Variants in PDLIM1 observed in about 807,000 individuals in gnomAD.
PDLIM1 encodes the protein PDZ and LIM domain protein 1.
PDLIM1 carries 25 observed loss-of-function variants against 35.2 expected under a neutral mutation model. That is an observed-to-expected ratio of 0.71 (90% confidence interval 0.52 to 0.99). PDLIM1 has a LOEUF of 0.99. Ranked by LOEUF, PDLIM1 falls within the 50% of genes least tolerant of loss-of-function variation. PDLIM1 has a pLI of 0.00. For synonymous variants in PDLIM1, 152 were observed against 154.0 expected (o/e 0.99, Z 0.10); for missense variants, 363 against 415.3 (o/e 0.87, Z 1.09).
chr10:95,251,324 C>T (rs2035265659), intron 4 of PDLIM1, among the ~76,000 whole-genome samples: 1 of 151,746 alleles, frequency 6.6e-6, no homozygotes, highest in Non-Finnish European at 1.5e-5. Flanking sequence ...CGGTGGCTCA[C>T]ACCTTTAGGA....
rs78965583 is a variant in PDLIM1, at chr10:95,270,476, G to A, written c.248+1157C>T. Among the ~76,000 whole-genome samples the A allele has an allele frequency of 6.6e-5, 10 of 152,266 alleles. No homozygotes were observed. In the East Asian group the frequency reaches 1.7e-3, roughly 26 times the overall value. On this transcript the variant is annotated intron_variant, in intron 2 of 6. Coordinates refer to ENST00000329399, the MANE Select transcript of PDLIM1 (RefSeq NM_020992.4). ...CTGAATTTGATGCAGTAGGAAACAG[G>A]GAGCCAACTGAGGGTTGAACCAAAT...
chr10:95,273,626 C>T (rs2035485652), intron 1 of PDLIM1, among the ~76,000 whole-genome samples: 1 of 152,152 alleles, frequency 6.6e-6, no homozygotes, highest in Non-Finnish European at 1.5e-5. Context: ...TTCTGGCTCT[C>T]CCATCATTTG....
At chr10:95,276,618 T>C (rs2035513556) in intron 1 of PDLIM1, among the ~76,000 whole-genome samples, 1 of 152,202 alleles carries the variant, frequency 6.6e-6, no homozygotes, top group Non-Finnish European at 1.5e-5. Flanking sequence ...AATGAGCGTT[T>C]AGGTACCAAG....
chr10:95,277,505 T>C (rs1021665308), intron 1 of PDLIM1, among the ~76,000 whole-genome samples: 1 of 152,016 alleles, frequency 6.6e-6, no homozygotes, highest in Non-Finnish European at 1.5e-5. Context: ...CCAGCTGTGG[T>C]GATGCACACT....
chr10:95,284,439 C>T (rs1314467248), intron 1 of PDLIM1, among the ~76,000 whole-genome samples: 2 of 152,048 alleles, frequency 1.3e-5, no homozygotes, highest in African/African-American at 4.8e-5. Flanking sequence ...CTGCAACCTC[C>T]GCCTCCCAAG....
chr10:95,273,354 G>C (rs1248112429), intron 1 of PDLIM1: 2 of 152,128 alleles, frequency 1.3e-5, no homozygotes, highest in Admixed American at 1.3e-4. Context: ...CACCAAACCA[G>C]GACACACAAG....
intron 4 of PDLIM1, 136 bp from the exon 5 acceptor site, chr10:95,247,502 C>T: frequency 1.5e-6 from 1 of 666,610 alleles, no homozygotes; most frequent in East Asian, 2.7e-5. Flanking sequence ...CTAAATCAGC[C>T]ACAGACCTGC....
chr10:95,246,905 G>GGTC (rs1345372261), intron 5 of PDLIM1, among the ~76,000 whole-genome samples: 1 of 152,162 alleles, frequency 6.6e-6, no homozygotes, highest in Non-Finnish European at 1.5e-5. Flanking sequence ...AAATGGCCAA[G>GGTC]GGACAGACCA....
At chr10:95,262,268 T>C (rs1476685410) in intron 4 of PDLIM1, among the ~76,000 whole-genome samples, 4 of 152,158 alleles carry the variant, frequency 2.6e-5, no homozygotes, top group African/African-American at 9.7e-5. Flanking sequence ...TGCAATTTAA[T>C]TACCCTAAGA....
chr10:95,270,950 C>T (rs1455508712), intron 2 of PDLIM1, among the ~76,000 whole-genome samples: 6 of 151,522 alleles, frequency 4.0e-5, no homozygotes, highest in African/African-American at 1.5e-4. Context: ...AGGGTTTCAC[C>T]ATGTTGGCCA....
rs1418904125 is a variant in PDLIM1, at chr10:95,290,956, G to C, written c.-41C>G. The C allele has an allele frequency of 1.5e-6, 2 of 1,330,646 alleles. No homozygotes were observed. Among genetic ancestry groups the C allele is most frequent in the African/African-American group, 1.5e-5 (1 of 66,228 alleles). The allele number at this position is 1,330,646 out of a possible 1,614,324, so 82.4% of individuals were successfully genotyped here. On this transcript the variant is annotated 5_prime_UTR_variant, in exon 1 of 7. Coordinates refer to ENST00000329399, the MANE Select transcript of PDLIM1 (RefSeq NM_020992.4). The surrounding 1 kb of genome is among the most constrained non-coding windows in gnomAD (Gnocchi z 4.7). ...GGCGACGACCCGCGGGGACAGACGG[G>C]CAGGACGCGCGGAACAGCTTGCAGG...
chr10:95,238,967 A>T, intron 5 of PDLIM1: 1 of 310,388 alleles, frequency 3.2e-6, no homozygotes, highest in Non-Finnish European at 6.2e-6. Flanking sequence ...AATTCAAACT[A>T]TATTACAAGG....
intron 1 of PDLIM1, among the ~76,000 whole-genome samples, chr10:95,275,402 T>C (rs1439273167): frequency 6.6e-6 from 1 of 152,222 alleles, no homozygotes; most frequent in Non-Finnish European, 1.5e-5. Context: ...ATCTGGGCAA[T>C]GGGCAAGAAT....
intron 1 of PDLIM1, among the ~76,000 whole-genome samples, chr10:95,284,443 T>A (rs1416767850): frequency 6.6e-6 from 1 of 152,134 alleles, no homozygotes; most frequent in African/African-American, 2.4e-5. Context: ...AACCTCCGCC[T>A]CCCAAGTTAG....
intron 1 of PDLIM1, among the ~76,000 whole-genome samples, chr10:95,276,684 A>C (rs1053448373): frequency 1.3e-5 from 2 of 152,140 alleles, no homozygotes; most frequent in African/African-American, 4.8e-5. Flanking sequence ...ATGCTACCAG[A>C]CAGGCAATGT....
intron 1 of PDLIM1, among the ~76,000 whole-genome samples, chr10:95,286,406 TTTGC>T (rs2035602453): frequency 6.6e-6 from 1 of 151,932 alleles, no homozygotes; most frequent in South Asian, 2.1e-4. Context: ...AACCTCTGGG[TTTGC>T]TTGCTTATTA....
At chr10:95,240,080 G>C (rs528059535) in intron 5 of PDLIM1, among the ~76,000 whole-genome samples, 93 of 152,312 alleles carry the variant, frequency 6.1e-4, no homozygotes, top group African/African-American at 2.2e-3. Flanking sequence ...ACAGTGTGGT[G>C]AGTCCTCAAA....
chr10:95,269,631 T>C (rs2035445852), intron 2 of PDLIM1, among the ~76,000 whole-genome samples: 1 of 152,128 alleles, frequency 6.6e-6, no homozygotes, highest in South Asian at 2.1e-4. Context: ...ATTTTCTTTG[T>C]ACCAACCACA....
chr10:95,290,842 T>C lies in PDLIM1; in HGVS notation c.74A>G (p.Glu25Gly). The C allele has an allele frequency of 6.4e-7, 1 of 1,563,608 alleles. No individual in the cohort carries two copies. Among genetic ancestry groups the C allele is most frequent in the Non-Finnish European group, 8.7e-7 (1 of 1,154,576 alleles). ...GFRLVGGKDF[E>G]QPLAISRVTP... ...TACCCGGGAAATGGCGAGAGGCTGC[T>C]CGAAGTCCTTGCCGCCCACGAGGCG... is the stretch of plus-strand genomic sequence containing the variant. Residue 25 changes from glutamate to glycine, a missense_variant, in exon 1 of 7, where the codon GAG (glutamate) becomes GGG (glycine). Coordinates refer to ENST00000329399, the MANE Select transcript of PDLIM1 (RefSeq NM_020992.4). The surrounding 1 kb of genome is among the most constrained non-coding windows in gnomAD (Gnocchi z 4.7).
Sources: gnomAD v4.1 joint callset for allele counts (sites outside exome capture counted in the v4.1 genomes callset) on GRCh38, gnomAD v4.1.1 for gene constraint, Gnocchi (gnomAD v3.1) non-coding constraint, MANE v1.5 for transcripts, NCBI Gene and HGNC (gene_info 2026-07-23, HGNC 2026-07-21) for gene names.